Variants in F11 observed in about 807,000 individuals in gnomAD.
F11 encodes coagualtion factor XI.
Under a neutral mutation model 76.5 loss-of-function variants are expected in F11, and 78 were observed. The ratio of observed to expected loss-of-function variants is 1.02; its 90% confidence interval spans 0.85 to 1.23. F11 has a LOEUF of 1.23. Ranked by LOEUF, F11 falls within the 50% of genes most tolerant of loss-of-function variation. The probability of loss-of-function intolerance (pLI) is 0.00; values close to 1 mark genes in which losing one functional copy is unlikely to be tolerated. For synonymous variants in F11, 278 were observed against 276.3 expected (o/e 1.01, Z -0.06); for missense variants, 742 against 771.4 (o/e 0.96, Z 0.45).
chr4:186,275,497 A>AT (rs1015248278), intron 5 of F11, among the ~76,000 whole-genome samples: 3 of 109,244 alleles, frequency 2.7e-5, no homozygotes, highest in African/African-American at 6.2e-5. Context: ...TCCGTCTCAA[A>AT]TAAAAAAAAA....
chr4:186,279,938 T>G, intron 7 of F11, 74 bp from the exon 8 acceptor site: 1 of 1,145,524 alleles, frequency 8.7e-7, no homozygotes, highest in East Asian at 2.4e-5. Flanking sequence ...CTGACTTTAC[T>G]TTCTCTAGGT....
At chr4:186,281,709 A>T (rs1740820353) in intron 10 of F11, among the ~76,000 whole-genome samples, 1 of 152,240 alleles carries the variant, frequency 6.6e-6, no homozygotes, top group African/African-American at 2.4e-5. Flanking sequence ...CAAATGTCCA[A>T]TATTACAATA....
At chr4:186,287,589 AAAAT>A in intron 13 of F11, 91 bp from the exon 14 acceptor site, 1 of 455,090 alleles carries the variant, frequency 2.2e-6, no homozygotes, top group Non-Finnish European at 3.2e-6. Flanking sequence ...GTCTCAATTA[AAAAT>A]ATATATATAT....
chr4:186,274,483 A>T (rs1226260478), intron 5 of F11: 11 of 621,002 alleles, frequency 1.8e-5, no homozygotes, highest in Admixed American at 2.9e-5. Context: ...ATCTTTTAAT[A>T]ACACTGTCAG....
chr4:186,286,301 A>T, intron 12 of F11, 114 bp from the exon 13 acceptor site: 1 of 1,068,552 alleles, frequency 9.4e-7, no homozygotes, highest in South Asian at 1.3e-5. Flanking sequence ...CAAGGCAAAA[A>T]ATGAATATAG....
At chr4:186,278,843 G>A (rs1740573252) in intron 7 of F11, among the ~76,000 whole-genome samples, 1 of 152,124 alleles carries the variant, frequency 6.6e-6, no homozygotes, top group African/African-American at 2.4e-5. Flanking sequence ...ATTATCAAAG[G>A]GTTAAATGCA....
chr4:186,288,856 T>C lies in F11; in HGVS notation c.*242T>C, dbSNP rs1580111028. On this transcript the variant is annotated 3_prime_UTR_variant, in exon 15 of 15. Transcript: ENST00000403665. Reference sequence around the variant, plus strand: ...TGTTTTTGATCACGCTTCTATGGAGTCCAAGAATTACCATAAGGCAATATT... The same window carrying C: ...TGTTTTTGATCACGCTTCTATGGAGCCCAAGAATTACCATAAGGCAATATT... 2.0e-6 allele frequency: 1 copy of C among 497,450 alleles called. No homozygotes were observed. The allele number at this position is 497,450 out of a possible 1,614,324, so 30.8% of individuals were successfully genotyped here.
intron 2 of F11, among the ~76,000 whole-genome samples, chr4:186,267,970 T>G (rs1739626239): frequency 6.6e-6 from 1 of 152,198 alleles, no homozygotes; most frequent in African/African-American, 2.4e-5. Context: ...GGTTATAATA[T>G]TCCTTTGTTA....
intron 5 of F11, chr4:186,274,536 T>G: frequency 2.1e-6 from 1 of 485,798 alleles, no homozygotes; most frequent in Non-Finnish European, 3.7e-6. Flanking sequence ...GCTACACTTT[T>G]AAATTGGCAC....
intron 3 of F11, among the ~76,000 whole-genome samples, 153 bp downstream of exon 3, chr4:186,271,924 T>C (rs1340959391): frequency 6.6e-6 from 1 of 152,332 alleles, no homozygotes; most frequent in African/African-American, 2.4e-5. Context: ...AAAGAAGTGA[T>C]GGTGTTTACG....
intron 3 of F11, 71 bp downstream of exon 3, chr4:186,271,842 A>C (rs971106406): frequency 1.3e-6 from 2 of 1,503,014 alleles, no homozygotes; most frequent in African/African-American, 2.8e-5. Flanking sequence ...ACACATTTCC[A>C]TCTAACATTT....
At chr4:186,278,047 C>T (rs1740514924) in intron 7 of F11, among the ~76,000 whole-genome samples, 1 of 152,216 alleles carries the variant, frequency 6.6e-6, no homozygotes, top group Non-Finnish European at 1.5e-5. Flanking sequence ...AATCCACCTG[C>T]CTTGGTCTCC....
At chr4:186,272,763 A>T (rs892046490) in intron 3 of F11, among the ~76,000 whole-genome samples, 1 of 152,256 alleles carries the variant, frequency 6.6e-6, no homozygotes, top group Admixed American at 6.5e-5. Flanking sequence ...TTGAAAATAT[A>T]AAAATCATTT....
intron 7 of F11, 99 bp downstream of exon 7, chr4:186,276,489 T>TGTCA: frequency 1.4e-6 from 2 of 1,387,674 alleles, no homozygotes; most frequent in Admixed American, 1.8e-5. Context: ...TTACTCTAAA[T>TGTCA]GTCAGTATAG....
At chr4:186,281,551 T>C (rs1375184157) in intron 10 of F11, among the ~76,000 whole-genome samples, 1 of 152,182 alleles carries the variant, frequency 6.6e-6, no homozygotes, top group Admixed American at 6.5e-5. Flanking sequence ...AGATGCTTTG[T>C]AGGCAAACAG....
intron 2 of F11, among the ~76,000 whole-genome samples, chr4:186,269,455 T>G (rs954349928): frequency 2.0e-5 from 3 of 152,238 alleles, no homozygotes; most frequent in Admixed American, 6.5e-5. Flanking sequence ...ATGACATGGA[T>G]GAACCTTGAG....
Position 186,273,124 on chromosome 4 carries a change from G to C in F11, c.272G>C (p.Arg91Thr). The C allele has an allele frequency of 6.2e-7, 1 of 1,614,002 alleles. No homozygotes were observed. The highest frequency in any genetic ancestry group is 1.1e-5 in the South Asian group (1 of 91,062). ...SVTETLPRVN[R>T]TAAISGYSFK... Reference sequence around the variant, plus strand: ...ACAGAAACACTGCCAAGAGTGAATAGGACAGCAGCGATTTCTGGGTATTCT... The same window carrying C: ...ACAGAAACACTGCCAAGAGTGAATACGACAGCAGCGATTTCTGGGTATTCT... The change falls in exon 4 of 15, where the codon AGG becomes ACG. Residue 91 changes from arginine (R) to threonine (T), a missense_variant. Transcript: ENST00000403665.
At chr4:186,274,376 C>A in intron 5 of F11, 101 bp downstream of exon 5, 3 of 1,428,862 alleles carry the variant, frequency 2.1e-6, no homozygotes, top group Middle Eastern at 2.2e-4. Context: ...TATTTTGAAC[C>A]CCTAAAAGAC....
At chr4:186,268,135 T>C (rs551243298) in intron 2 of F11, among the ~76,000 whole-genome samples, 1 of 152,270 alleles carries the variant, frequency 6.6e-6, no homozygotes, top group African/African-American at 2.4e-5. Context: ...TGAAGTGAAA[T>C]TTTTTAAAAA....
Sources: gnomAD v4.1 joint callset for allele counts (sites outside exome capture counted in the v4.1 genomes callset) on GRCh38, gnomAD v4.1.1 for gene constraint, MANE v1.5 for transcripts, NCBI Gene and HGNC (gene_info 2026-07-23, HGNC 2026-07-21) for gene names.